The following DSCAML1 variants were observed in gnomAD, a reference collection of about 807,000 sequenced individuals.
The protein encoded by DSCAML1 is cell adhesion molecule DSCAML1.
DSCAML1 carries 38 observed loss-of-function variants against 200.5 expected under a neutral mutation model. The ratio of observed to expected loss-of-function variants is 0.19; its 90% confidence interval spans 0.15 to 0.25. The LOEUF (loss-of-function observed/expected upper bound fraction) is 0.25. DSCAML1 is among the 10% of genes least tolerant of loss of function. The probability of loss-of-function intolerance (pLI) is 1.00; values close to 1 mark genes in which losing one functional copy is unlikely to be tolerated. For missense variants in DSCAML1, 2,223 were observed against 2,858.8 expected, an observed-to-expected ratio of 0.78 and a Z score of 5.07; for synonymous variants, 1,215 against 1,165.0, an observed-to-expected ratio of 1.04 and a Z score of -0.87.
intron 4 of DSCAML1, among the ~76,000 whole-genome samples, chr11:117,528,353 C>A (rs960652402): frequency 1.3e-5 from 2 of 152,172 alleles, no homozygotes; most frequent in Non-Finnish European, 1.5e-5. Context: ...GAGGCTCAGG[C>A]GTGAAATTAA....
intron 8 of DSCAML1, among the ~76,000 whole-genome samples, chr11:117,513,738 C>T (rs1362243613): frequency 9.4e-6 from 1 of 106,218 alleles, no homozygotes; most frequent in Non-Finnish European, 1.9e-5. Flanking sequence ...AAGACTCTAT[C>T]TCAAAAAAAA....
chr11:117,690,435 G>A (rs551883864), intron 3 of DSCAML1, among the ~76,000 whole-genome samples: 1 of 152,260 alleles, frequency 6.6e-6, no homozygotes, highest in Non-Finnish European at 1.5e-5. Flanking sequence ...GGGTCTCCAA[G>A]CTGCCCTCAC....
chr11:117,445,572 C>T (rs925000641), intron 20 of DSCAML1, among the ~76,000 whole-genome samples: 3 of 152,240 alleles, frequency 2.0e-5, no homozygotes, highest in Non-Finnish European at 4.4e-5. Context: ...TCTGCCCAAC[C>T]TGTGTGTGAC....
intron 3 of DSCAML1, among the ~76,000 whole-genome samples, chr11:117,579,015 G>T (rs1164777217): frequency 6.6e-6 from 1 of 152,166 alleles, no homozygotes; most frequent in Non-Finnish European, 1.5e-5. Flanking sequence ...TGATTCTTCT[G>T]TTTTCCTTTC....
chr11:117,472,846 G>A (rs2048711958), intron 14 of DSCAML1, among the ~76,000 whole-genome samples: 2 of 152,152 alleles, frequency 1.3e-5, no homozygotes, highest in African/African-American at 4.8e-5. Context: ...TTTTGGCTGC[G>A]CACCTATTAG....
chr11:117,705,483 C>T (rs978076015), intron 3 of DSCAML1, among the ~76,000 whole-genome samples: 2 of 152,224 alleles, frequency 1.3e-5, no homozygotes, highest in African/African-American at 2.4e-5. Context: ...CCATGATTAA[C>T]ACATTCTGTA....
At chr11:117,641,315 C>A (rs2052401811) in intron 3 of DSCAML1, among the ~76,000 whole-genome samples, 1 of 152,256 alleles carries the variant, frequency 6.6e-6, no homozygotes, top group African/African-American at 2.4e-5. Context: ...GGGGAGGGGG[C>A]AACCCCAGTC....
At chr11:117,507,653 C>T (rs1024095461) in intron 8 of DSCAML1, among the ~76,000 whole-genome samples, 3 of 152,154 alleles carry the variant, frequency 2.0e-5, no homozygotes, top group Non-Finnish European at 4.4e-5. Context: ...ACCAGCATGC[C>T]GTGAATGCCA....
intron 1 of DSCAML1, among the ~76,000 whole-genome samples, chr11:117,785,978 AG>A (rs972323543): frequency 1.3e-5 from 2 of 152,180 alleles, no homozygotes; most frequent in African/African-American, 4.8e-5. Context: ...TTGAGTTCAA[AG>A]TTTGGGCTCT....
chr11:117,765,381 G>A (rs1356824380), intron 3 of DSCAML1, among the ~76,000 whole-genome samples: 2 of 152,154 alleles, frequency 1.3e-5, no homozygotes, highest in Non-Finnish European at 1.5e-5. Context: ...CATTAAGGGC[G>A]TCCCTGCCTC....
chr11:117,451,466 C>A (rs537207096), intron 19 of DSCAML1, among the ~76,000 whole-genome samples: 1 of 152,220 alleles, frequency 6.6e-6, no homozygotes, highest in Non-Finnish European at 1.5e-5. Flanking sequence ...TCTGAGCCTC[C>A]GTTTCCCTAT....
At chr11:117,633,811 G>C (rs1388795870) in intron 3 of DSCAML1, among the ~76,000 whole-genome samples, 1 of 152,182 alleles carries the variant, frequency 6.6e-6, no homozygotes, top group Non-Finnish European at 1.5e-5. Flanking sequence ...AGGCCCACCT[G>C]GTTGATTAGT....
chr11:117,432,346 G>T lies in DSCAML1; in HGVS notation c.5179+6C>A. ...AAAGGGCTGTCTCCCTGGGGATAAT[G>T]CGTACTGGTTCCTGGCCGGATGTCA... On this transcript the variant is annotated splice_donor_region_variant and intron_variant, in intron 30 of 32. Transcript: ENST00000651296. 1 of 1,612,132 alleles carries T rather than the reference G, an allele frequency of 6.2e-7. No individual in the cohort carries two copies. The highest frequency in any genetic ancestry group is 1.3e-5 in the African/African-American group (1 of 75,012).
At chr11:117,794,940 C>T (rs901273924) in intron 1 of DSCAML1, among the ~76,000 whole-genome samples, 5 of 152,186 alleles carry the variant, frequency 3.3e-5, no homozygotes, top group Admixed American at 1.3e-4. Context: ...ACCGAGGAGC[C>T]GCCACAACTG....
At chr11:117,491,435 T>C (rs115316982) in intron 11 of DSCAML1, among the ~76,000 whole-genome samples, 2,689 of 152,332 alleles carry the variant, frequency 0.018, 82 homozygotes, top group African/African-American at 0.062. Flanking sequence ...AGTCAGGCCA[T>C]GGCCCAGGTC....
chr11:117,711,942 T>C (rs551855787), intron 3 of DSCAML1, among the ~76,000 whole-genome samples: 1 of 152,358 alleles, frequency 6.6e-6, no homozygotes, highest in East Asian at 1.9e-4. Flanking sequence ...TTAACATCAT[T>C]ATCCTCAGCT....
At chr11:117,473,271 T>C (rs1192477487) in intron 14 of DSCAML1, among the ~76,000 whole-genome samples, 9 of 151,670 alleles carry the variant, frequency 5.9e-5, no homozygotes, top group Non-Finnish European at 1.2e-4. Flanking sequence ...CCAAGGCGGG[T>C]GGATCATTTG....
chr11:117,712,362 G>T (rs1237727428), intron 3 of DSCAML1, among the ~76,000 whole-genome samples: 1 of 152,090 alleles, frequency 6.6e-6, no homozygotes, highest in East Asian at 1.9e-4. Flanking sequence ...GAAGGAATCT[G>T]TACCATTTGG....
chr11:117,772,625 T>C (rs1356734390), intron 3 of DSCAML1, among the ~76,000 whole-genome samples: 1 of 152,222 alleles, frequency 6.6e-6, no homozygotes, highest in Admixed American at 6.5e-5. Context: ...CACATTGATA[T>C]AATCAGGTCT....
Sources: gnomAD v4.1 joint callset for allele counts (sites outside exome capture counted in the v4.1 genomes callset) on GRCh38, gnomAD v4.1.1 for gene constraint, MANE v1.5 for transcripts, NCBI Gene and HGNC (gene_info 2026-07-23, HGNC 2026-07-21) for gene names.